The following DLEU7 variants were observed in gnomAD, a reference collection of about 807,000 sequenced individuals.
DLEU7 encodes the protein leukemia-associated protein 7.
DLEU7 carries 17 observed loss-of-function variants against 16.0 expected under a neutral mutation model. The ratio of observed to expected loss-of-function variants is 1.06; its 90% CI spans 0.73 to 1.59. The LOEUF is 1.59. DLEU7 is among the 40% of genes most tolerant of loss of function. DLEU7 has a pLI of 0.00. For synonymous variants in DLEU7, 113 were observed against 139.8 expected (o/e 0.81, Z 1.35); for missense variants, 308 against 314.9 (o/e 0.98, Z 0.17).
chr13:50,783,440 A>G (rs1209923247), intron 1 of DLEU7, among the ~76,000 whole-genome samples: 1 of 152,164 alleles, frequency 6.6e-6, no homozygotes, highest in Non-Finnish European at 1.5e-5. Flanking sequence ...CCTCTGGCCA[A>G]CTGGAAGCCT....
intron 1 of DLEU7, among the ~76,000 whole-genome samples, chr13:50,790,959 G>C (rs1320965801): frequency 6.6e-5 from 10 of 152,192 alleles, no homozygotes; most frequent in Admixed American, 6.5e-4. Context: ...AAAGGTGGCA[G>C]GGAAGGGGAC....
At chr13:50,739,920 G>A (rs1874202620) in intron 1 of DLEU7, among the ~76,000 whole-genome samples, 1 of 152,028 alleles carries the variant, frequency 6.6e-6, no homozygotes, top group African/African-American at 2.4e-5. Flanking sequence ...TAGATGCCTA[G>A]ATTTTTTTTT....
chr13:50,727,884 CCTT>C (rs1873809104), intron 1 of DLEU7, among the ~76,000 whole-genome samples: 1 of 152,256 alleles, frequency 6.6e-6, no homozygotes, highest in African/African-American at 2.4e-5. Flanking sequence ...GAATGAGACA[CCTT>C]CTCTCTGCTT....
chr13:50,834,978 G>A (rs1877404696), intron 1 of DLEU7, among the ~76,000 whole-genome samples: 1 of 150,162 alleles, frequency 6.7e-6, no homozygotes, highest in Non-Finnish European at 1.5e-5. Context: ...TCACTCATAA[G>A]TGGGAGTTGA....
chr13:50,730,511 A>G (rs1442307905), intron 1 of DLEU7, among the ~76,000 whole-genome samples: 2 of 152,172 alleles, frequency 1.3e-5, no homozygotes, highest in African/African-American at 4.8e-5. Flanking sequence ...TAGAAAAAAT[A>G]TAAGATAAGT....
At chr13:50,711,110 G>C (rs1873272030), downstream of DLEU7, 1 of 151,526 alleles carries the variant, frequency 6.6e-6, no homozygotes, top group Admixed American at 6.6e-5. Context: ...TTTTTCTTCT[G>C]AACACACAAA....
intron 1 of DLEU7, among the ~76,000 whole-genome samples, chr13:50,782,759 T>C (rs531422888): frequency 6.9e-6 from 1 of 145,684 alleles, no homozygotes; most frequent in African/African-American, 2.6e-5. Context: ...CCACCCATCA[T>C]ATACACTGTC....
rs1034981596 is a variant in DLEU7, at chr13:50,729,182, AC to A, written c.460-15943del. ...GTTTTCAGATCCTCACCCTCCTCCC[AC>A]CCTCCACCCTCAATTAGGCTAAAGT... On this transcript the variant is annotated intron_variant, in intron 1 of 1. Coordinates refer to the DLEU7 transcript ENST00000400393. 2.9e-4 allele frequency among the ~76,000 whole-genome samples: 44 copies of A among 151,922 alleles called. 1 individual carries two copies. The highest frequency in any genetic ancestry group is 1.0e-3 in the Admixed American group (16 of 15,250).
chr13:50,799,343 A>G (rs895661884), intron 1 of DLEU7, among the ~76,000 whole-genome samples: 1 of 152,102 alleles, frequency 6.6e-6, no homozygotes, highest in Non-Finnish European at 1.5e-5. Context: ...CCTTGTTCCT[A>G]TGTGGATTTC....
intron 1 of DLEU7, among the ~76,000 whole-genome samples, chr13:50,787,282 A>C (rs902658214): frequency 6.6e-6 from 1 of 152,190 alleles, no homozygotes; most frequent in Non-Finnish European, 1.5e-5. Context: ...AAAGCTCAGA[A>C]ATGTTACTGT....
chr13:50,760,343 CT>C (rs546707933), intron 1 of DLEU7, among the ~76,000 whole-genome samples: 1 of 151,858 alleles, frequency 6.6e-6, no homozygotes, highest in South Asian at 2.1e-4. Context: ...CTTCAGTATT[CT>C]TTTTTTTGGT....
chr13:50,831,785 C>T (rs1402038075), intron 1 of DLEU7, among the ~76,000 whole-genome samples: 1 of 152,162 alleles, frequency 6.6e-6, no homozygotes, highest in Non-Finnish European at 1.5e-5. Context: ...AGCTAAGTAA[C>T]ACAGCAAGTT....
intron 1 of DLEU7, among the ~76,000 whole-genome samples, chr13:50,813,513 TAG>T (rs1358344998): frequency 6.6e-6 from 1 of 152,064 alleles, no homozygotes; most frequent in Non-Finnish European, 1.5e-5. Flanking sequence ...TAGATTGAAA[TAG>T]AGATTCTAGG....
At chr13:50,835,060 G>A in intron 1 of DLEU7, among the ~76,000 whole-genome samples, 1 of 150,634 alleles carries the variant, frequency 6.6e-6, no homozygotes, top group South Asian at 2.1e-4. Context: ...GGGGGCTAGG[G>A]GAGGGATAGC....
intron 1 of DLEU7, among the ~76,000 whole-genome samples, chr13:50,723,444 AC>A (rs1873675644): frequency 6.7e-6 from 1 of 148,476 alleles, no homozygotes; most frequent in Non-Finnish European, 1.5e-5. Flanking sequence ...ACACACACAC[AC>A]GTATTGGTCA....
Position 50,843,553 on chromosome 13 carries a change from C to A in DLEU7, c.94G>T (p.Asp32Tyr). ...QLLQQEWGWGDGPVAPGNPRD... is the reference protein window; with the variant it reads ...QLLQQEWGWGYGPVAPGNPRD... ...GGGTTCCCGGGGGCGACTGGACCGT[C>A]CCCCCAGCCCCACTCCTGCTGCAGC... Residue 32 changes from aspartate (D) to tyrosine (Y), a missense_variant, in exon 1 of 2, where the codon GAC becomes TAC. Coordinates refer to ENST00000504404, the MANE Select transcript of DLEU7 (RefSeq NM_001306135.2). This position sits in a 1 kb window ranked among gnomAD's most constrained non-coding sequence, Gnocchi z 5.7. The A allele has an allele frequency of 6.8e-7, 1 of 1,461,270 alleles. No individual in the cohort carries two copies. The highest frequency in any genetic ancestry group is 9.0e-7 in the Non-Finnish European group (1 of 1,117,210). The allele number at this position is 1,461,270 out of a possible 1,614,324, so 90.5% of individuals were successfully genotyped here.
At chr13:50,799,281 A>G (rs1011220666) in intron 1 of DLEU7, among the ~76,000 whole-genome samples, 2 of 152,230 alleles carry the variant, frequency 1.3e-5, no homozygotes, top group African/African-American at 4.8e-5. Context: ...GCCCTTCTTC[A>G]TTAATGCATT....
chr13:50,720,132 G>T (rs1392372565), intron 1 of DLEU7, among the ~76,000 whole-genome samples: 2 of 152,210 alleles, frequency 1.3e-5, no homozygotes, highest in East Asian at 3.8e-4. Context: ...TCCTGGGCAT[G>T]CTCTCACAGT....
chr13:50,799,855 T>A (rs1053256912), intron 1 of DLEU7, among the ~76,000 whole-genome samples: 4 of 152,234 alleles, frequency 2.6e-5, no homozygotes, highest in African/African-American at 9.6e-5. Context: ...GTCTTCATTC[T>A]CTCAATAGCA....
Sources: allele counts gnomAD v4.1 joint callset (sites outside exome capture counted in the v4.1 genomes callset), GRCh38; gene constraint gnomAD v4.1.1; non-coding constraint Gnocchi (gnomAD v3.1); transcripts MANE v1.5; gene names NCBI Gene and HGNC (gene_info 2026-07-23, HGNC 2026-07-21).